The following ANO2 variants were observed in gnomAD, a reference collection of about 807,000 sequenced individuals.
ANO2 encodes the protein anoctamin 2.
ANO2 carries 101 observed loss-of-function variants against 124.2 expected under a neutral mutation model. That is an observed-to-expected ratio of 0.81 (90% CI 0.69 to 0.96). The LOEUF is 0.96. ANO2 is among the 40% of genes least tolerant of loss of function. The pLI, the probability that ANO2 is intolerant of heterozygous loss-of-function variation, is 0.00. For synonymous variants in ANO2, 486 were observed against 482.5 expected, an observed-to-expected ratio of 1.01 and a Z score of -0.09; for missense variants, 1,293 against 1,274.5, an observed-to-expected ratio of 1.01 and a Z score of -0.22.
At chr12:5,610,488 T>C (rs888927430) in intron 19 of ANO2, among the ~76,000 whole-genome samples, 161 of 139,406 alleles carry the variant, frequency 1.2e-3, no homozygotes, top group Admixed American at 2.2e-3. Context: ...AATATATCTA[T>C]ATTTCATATA....
chr12:5,723,969 G>A (rs1005487728), intron 14 of ANO2, among the ~76,000 whole-genome samples: 1 of 152,002 alleles, frequency 6.6e-6, no homozygotes, highest in African/African-American at 2.4e-5. Flanking sequence ...CTCCCCAACC[G>A]CCCTTCAGCT....
intron 15 of ANO2, among the ~76,000 whole-genome samples, chr12:5,638,700 C>T (rs1294788414): frequency 2.6e-5 from 4 of 151,982 alleles, no homozygotes; most frequent in Middle Eastern, 3.2e-3. Context: ...TTCACAGCAG[C>T]GCCTCCCGTA....
rs567001877 is a variant in ANO2, at chr12:5,626,129, G to C, written c.1816+9023C>G. 8.5e-5 allele frequency among the ~76,000 whole-genome samples: 13 copies of C among 152,270 alleles called. No homozygotes were observed. In the South Asian group the frequency reaches 2.7e-3, roughly 32 times the overall value. The stretch of plus-strand genomic sequence containing the variant: ...GAGCTCTCTTAGAAGGTTGGGGAGT[G>C]CATTTTGGCATCACTTGGGGTGGTG... On this transcript the variant is annotated intron_variant, in intron 16 of 24. Transcript: ENST00000682330.
At chr12:5,628,473 A>C (rs1046310149) in intron 16 of ANO2, among the ~76,000 whole-genome samples, 2 of 152,220 alleles carry the variant, frequency 1.3e-5, no homozygotes, top group African/African-American at 2.4e-5. Flanking sequence ...GGTTTTAGCA[A>C]GGACAATGAG....
Position 5,945,235 on chromosome 12 carries a change from C to T in ANO2, c.-18G>A. On this transcript the variant is annotated 5_prime_UTR_variant, in exon 1 of 25. Coordinates refer to ENST00000682330, the MANE Select transcript of ANO2 (RefSeq NM_001364791.2). ...GTCGCCATGATGTGGACGCAGACCC[C>T]GCCGGCCCGCGGCCGCGCGCTTCTG... 1.6e-6 allele frequency: 2 copies of T among 1,285,342 alleles called. No individual in the cohort carries two copies. Among genetic ancestry groups the T allele is most frequent in the African/African-American group, 1.5e-5 (1 of 65,806 alleles). The allele number at this position is 1,285,342 out of a possible 1,614,324, so 79.6% of individuals were successfully genotyped here.
chr12:5,851,139 T>A (rs1430989168), intron 4 of ANO2, among the ~76,000 whole-genome samples: 1 of 152,158 alleles, frequency 6.6e-6, no homozygotes, highest in South Asian at 2.1e-4. Flanking sequence ...CTTTATACTA[T>A]GTTCTCACCC....
At chr12:5,816,152 T>C (rs11063877) in intron 7 of ANO2, among the ~76,000 whole-genome samples, 69,425 of 149,058 alleles carry the variant, frequency 0.47, 17,236 homozygotes, top group Admixed American at 0.6. Context: ...CTCTCTCTCT[T>C]TTTTTTTTTT....
intron 14 of ANO2, among the ~76,000 whole-genome samples, chr12:5,686,658 T>C (rs939149003): frequency 1.3e-5 from 2 of 152,196 alleles, no homozygotes; most frequent in African/African-American, 2.4e-5. Flanking sequence ...ATCCCCTCCA[T>C]GGGCCCCTCT....
chr12:5,884,017 A>C (rs1173732793), intron 3 of ANO2, among the ~76,000 whole-genome samples: 4 of 152,242 alleles, frequency 2.6e-5, no homozygotes, highest in African/African-American at 9.6e-5. Flanking sequence ...AAAGTTAAAA[A>C]TGTGGCCCAA....
chr12:5,943,062 C>T (rs1031579254), intron 1 of ANO2, among the ~76,000 whole-genome samples: 1 of 152,188 alleles, frequency 6.6e-6, no homozygotes, highest in Non-Finnish European at 1.5e-5. Flanking sequence ...TATGGAGAGT[C>T]TTTAAAGAAC....
At chr12:5,840,555 A>C (rs1157538722) in intron 4 of ANO2, among the ~76,000 whole-genome samples, 3 of 152,212 alleles carry the variant, frequency 2.0e-5, no homozygotes, top group Non-Finnish European at 4.4e-5. Context: ...CAAGGTGCAC[A>C]AACATTGGGA....
chr12:5,647,705 A>C lies in ANO2; in HGVS notation c.1620+22T>G, dbSNP rs767624086. On this transcript the variant is annotated intron_variant, in intron 15 of 24. Transcript: ENST00000682330. ...ATCTACATGCATGCAGTCACAGGCA[A>C]GTGGTCCCTCAAGGAAATTACCATG... The C allele has an allele frequency of 5.1e-6, 8 of 1,581,524 alleles. No individual in the cohort carries two copies. The Admixed American group carries it at 1.2e-4, about 24-fold the overall frequency.
intron 19 of ANO2, among the ~76,000 whole-genome samples, chr12:5,605,409 T>C (rs979438534): frequency 2.6e-5 from 4 of 152,204 alleles, no homozygotes; most frequent in African/African-American, 9.7e-5. Context: ...CAGGGGTACA[T>C]TTAACAGCTA....
chr12:5,732,675 G>C (rs2277401), intron 13 of ANO2, 45 bp from the exon 14 acceptor site: 701,921 of 1,576,864 alleles, frequency 0.45, 160,179 homozygotes, highest in East Asian at 0.54. Flanking sequence ...AAGGAAGAAT[G>C]ACCTTGGCCT....
At chr12:5,570,941 G>A (rs545813726) in intron 23 of ANO2, among the ~76,000 whole-genome samples, 3 of 152,224 alleles carry the variant, frequency 2.0e-5, no homozygotes, top group Middle Eastern at 3.4e-3. Flanking sequence ...ATAAGAATCA[G>A]GAAATGTGGC....
At chr12:5,694,991 A>T (rs577477552) in intron 14 of ANO2, among the ~76,000 whole-genome samples, 1 of 152,054 alleles carries the variant, frequency 6.6e-6, no homozygotes, top group South Asian at 2.1e-4. Flanking sequence ...TTGTAAAACC[A>T]CTCAGAACCG....
At chr12:5,793,121 G>C (rs896983111) in intron 10 of ANO2, among the ~76,000 whole-genome samples, 2 of 152,146 alleles carry the variant, frequency 1.3e-5, no homozygotes, top group African/African-American at 4.8e-5. Flanking sequence ...AATATTTAAA[G>C]GGTTGACCTA....
chr12:5,739,983 T>A (rs775668928), intron 12 of ANO2: 1 of 455,920 alleles, frequency 2.2e-6, no homozygotes, highest in Non-Finnish European at 4.4e-6. Flanking sequence ...TAGTATGCAT[T>A]CATTCTTCCA....
chr12:5,599,336 C>T (rs1460061298), intron 20 of ANO2, 148 bp downstream of exon 20: 2 of 973,556 alleles, frequency 2.1e-6, no homozygotes, highest in African/African-American at 3.4e-5. Flanking sequence ...TCATGTGGCA[C>T]TGAAGGGAAC....
Sources: gnomAD v4.1 joint callset for allele counts (sites outside exome capture counted in the v4.1 genomes callset) on GRCh38, gnomAD v4.1.1 for gene constraint, MANE v1.5 for transcripts, NCBI Gene and HGNC (gene_info 2026-07-23, HGNC 2026-07-21) for gene names.